Variants in YES1 observed in about 807,000 individuals in gnomAD.
YES1 encodes tyrosine-protein kinase Yes.
YES1 carries 39 observed loss-of-function variants against 70.4 expected under a neutral mutation model. The ratio of observed to expected loss-of-function variants is 0.55; its 90% CI spans 0.43 to 0.72. The LOEUF (loss-of-function observed/expected upper bound fraction) is 0.72. YES1 is among the 30% of genes least tolerant of loss of function. The pLI, the probability that YES1 is intolerant of heterozygous loss-of-function variation, is 0.00. For missense variants in YES1, 495 were observed against 644.8 expected (o/e 0.77, Z 2.52); for synonymous variants, 198 against 218.6 (o/e 0.91, Z 0.83).
At chr18:726,608 C>T (rs985335697) in intron 11 of YES1, among the ~76,000 whole-genome samples, 13 of 150,952 alleles carry the variant, frequency 8.6e-5, no homozygotes, top group African/African-American at 2.4e-4. Context: ...GGCGAAACCC[C>T]CTCTCTACTA....
At chr18:757,432 G>A (rs1231647964) in intron 1 of YES1, among the ~76,000 whole-genome samples, 5 of 151,410 alleles carry the variant, frequency 3.3e-5, no homozygotes, top group South Asian at 2.1e-4. Flanking sequence ...GAACCCGGGA[G>A]GCGGAGCTTG....
At chr18:771,968 C>A (rs1220227972) in intron 1 of YES1, among the ~76,000 whole-genome samples, 1 of 151,858 alleles carries the variant, frequency 6.6e-6, no homozygotes, top group Admixed American at 6.6e-5. Flanking sequence ...AAGGAAGAGG[C>A]AAGAATTTCA....
intron 1 of YES1, among the ~76,000 whole-genome samples, chr18:779,052 G>A (rs573868315): frequency 1.5e-4 from 23 of 152,116 alleles, no homozygotes; most frequent in African/African-American, 2.7e-4. Context: ...CTGGAACCTC[G>A]TAGTTTCTTT....
chr18:772,145 C>T (rs1012170620), intron 1 of YES1, among the ~76,000 whole-genome samples: 3 of 151,842 alleles, frequency 2.0e-5, no homozygotes, highest in African/African-American at 4.8e-5. Flanking sequence ...GCTCCTGCCT[C>T]AGCCTCCCAA....
At chr18:793,026 AATTATT>A (rs201802922) in intron 1 of YES1, among the ~76,000 whole-genome samples, 58 of 150,758 alleles carry the variant, frequency 3.8e-4, no homozygotes, top group African/African-American at 5.6e-4. Context: ...GGTTCATTAT[AATTATT>A]ATTATTATTG....
chr18:788,086 T>C (rs1160069225), intron 1 of YES1: 11 of 152,200 alleles, frequency 7.2e-5, no homozygotes, highest in African/African-American at 2.7e-4. Flanking sequence ...TCACATCCAT[T>C]TACATGTTTA....
upstream of YES1, chr18:812,331 C>CCCCCGGCCCCG (rs1555693506): frequency 1.6e-4 from 3 of 18,628 alleles, no homozygotes; most frequent in South Asian, 9.1e-3. Context: ...TCCTCCGCCC[C>CCCCCGGCCCCG]CCCCCCCCGG....
chr18:751,842 C>T (rs2080347678), intron 2 of YES1, 38 bp from the exon 3 acceptor site: 1 of 1,159,046 alleles, frequency 8.6e-7, no homozygotes, highest in Admixed American at 2.1e-5. Flanking sequence ...AATTATGTAG[C>T]TAACTTAACA....
In YES1 at chr18:777,806, TAAA is replaced by T. The variant is rs35073440; in HGVS notation, c.-8-20974_-8-20972del. 1.5e-4 allele frequency among the ~76,000 whole-genome samples: 19 copies of T among 129,252 alleles called. 1 individual carries two copies. Among genetic ancestry groups the T allele is most frequent in the South Asian group, 1.3e-3 (5 of 3,976 alleles). The allele number at this position is 129,252 out of a possible 152,430, so 84.8% of individuals were successfully genotyped here. ...TGGACAACAGAGTGAGACTCTGGCT[TAAA>T]AAAAAAAAAAAAAAAAATTAAAAAA... On this transcript the variant is annotated intron_variant, in intron 1 of 11. Transcript: ENST00000314574.
At chr18:780,097 T>C (rs1905582697) in intron 1 of YES1, among the ~76,000 whole-genome samples, 1 of 151,980 alleles carries the variant, frequency 6.6e-6, no homozygotes, top group Non-Finnish European at 1.5e-5. Context: ...AGCCAGGCGC[T>C]GTGGCACGCA....
chr18:732,640 C>A (rs191720400), intron 11 of YES1, among the ~76,000 whole-genome samples, 194 bp downstream of exon 11: 52 of 152,150 alleles, frequency 3.4e-4, no homozygotes, highest in Admixed American at 8.5e-4. Context: ...AGGATCGTGG[C>A]TTTCACTGAC....
chr18:739,797 A>C lies in YES1; in HGVS notation c.1075T>G (p.Phe359Val). 1.9e-6 allele frequency: 3 copies of C among 1,611,000 alleles called. No homozygotes were observed. Among genetic ancestry groups the C allele is most frequent in the Admixed American group, 1.7e-5 (1 of 59,704 alleles). ...TACTTTCCATCTCCTTCCTTAAGGA[A>C]ATCTAATAAGCTTCCTGTAACAGAC... ...EFMSKGSLLD[F>V]LKEGDGKYLK... Residue 359 changes from phenylalanine (F) to valine (V), a missense_variant, in exon 9 of 12, where the codon TTC becomes GTC. This residue lies in a region of YES1 where 385 missense variants were observed against 540.9 expected (regional missense o/e 0.71). Coordinates refer to ENST00000314574, the MANE Select transcript of YES1 (RefSeq NM_005433.4).
chr18:801,542 C>G (rs1306084124), intron 1 of YES1, among the ~76,000 whole-genome samples: 1 of 152,088 alleles, frequency 6.6e-6, no homozygotes, highest in Admixed American at 6.5e-5. Context: ...TTTAACTGAA[C>G]CATCAGGCAA....
rs1186574109 is a variant in YES1, at chr18:722,597, A to G, written c.*1827T>C. On this transcript the variant is annotated 3_prime_UTR_variant, in exon 12 of 12. Transcript: ENST00000314574. ...CCTTTGCTAGACACTCAAACCACTAATGCTGCTATTCAAATCTGTATTTTG... is the reference window on the plus strand; with the variant it reads ...CCTTTGCTAGACACTCAAACCACTAGTGCTGCTATTCAAATCTGTATTTTG... The G allele has an allele frequency of 2.6e-5, 4 of 152,308 alleles. No homozygotes were observed. Among genetic ancestry groups the G allele is most frequent in the Non-Finnish European group, 5.9e-5 (4 of 68,024 alleles). The allele number at this position is 152,308 out of a possible 1,614,324, so 9.4% of individuals were successfully genotyped here.
intron 10 of YES1, among the ~76,000 whole-genome samples, chr18:735,493 G>A (rs907715574): frequency 1.3e-5 from 2 of 150,762 alleles, no homozygotes; most frequent in African/African-American, 4.9e-5. Flanking sequence ...GGGAGTAAGG[G>A]GGAAAGGTTG....
At chr18:810,815 T>G (rs1423431858) in intron 1 of YES1, among the ~76,000 whole-genome samples, 1 of 152,202 alleles carries the variant, frequency 6.6e-6, no homozygotes, top group Non-Finnish European at 1.5e-5. Context: ...ATATATTATT[T>G]GCTAAAGTAA....
rs1187754881 is a variant in YES1, at chr18:724,356, C to T, written c.*68G>A. The T allele has an allele frequency of 1.4e-6, 2 of 1,379,466 alleles. No homozygotes were observed. Among genetic ancestry groups the T allele is most frequent in the African/African-American group, 2.9e-5 (2 of 68,938 alleles). 85.5% of individuals were successfully genotyped at this position (1,379,466 alleles called of 1,614,324 possible). On this transcript the variant is annotated 3_prime_UTR_variant, in exon 12 of 12. Transcript: ENST00000314574. ...TAAAGAAGATTTTCTTCTTTTGATTCCTGTAGAAAATCTACACAAGTTCTT... is the reference window on the plus strand; with the variant it reads ...TAAAGAAGATTTTCTTCTTTTGATTTCTGTAGAAAATCTACACAAGTTCTT...
In YES1 at chr18:757,036, C is replaced by T. The variant is rs75537306; in HGVS notation, c.-8-201G>A. 1.6e-4 allele frequency among the ~76,000 whole-genome samples: 24 copies of T among 152,334 alleles called. No individual in the cohort carries two copies. The East Asian group carries it at 2.5e-3, about 16-fold the overall frequency. ...CAATTTGCAAAAGCCCTACTCCAAT[C>T]GCTTCATTCTCCAACTCAATCACCT... On this transcript the variant is annotated intron_variant, in intron 1 of 11. Transcript: ENST00000314574.
upstream of YES1, chr18:812,328 C>CCCCCCCCCCCCGGCCCCG (rs1555693501): frequency 2.2e-3 from 5 of 2,280 alleles, no homozygotes; most frequent in African/African-American, 0.019. Context: ...ACCTCCTCCG[C>CCCCCCCCCCCCGGCCCCG]CCCCCCCCCC....
Sources: allele counts gnomAD v4.1 joint callset (sites outside exome capture counted in the v4.1 genomes callset), GRCh38; gene constraint gnomAD v4.1.1; regional missense constraint gnomAD v4.1.1; transcripts MANE v1.5; gene names NCBI Gene and HGNC (gene_info 2026-07-23, HGNC 2026-07-21).